The following PRR5L variants were observed in gnomAD, a reference collection of about 807,000 sequenced individuals.
The protein encoded by PRR5L is proline-rich protein 5-like.
A neutral mutation model predicts 36.4 loss-of-function variants in PRR5L; 21 were observed. The ratio of observed to expected loss-of-function variants is 0.58; its 90% CI spans 0.41 to 0.83. PRR5L has a LOEUF of 0.83. Among genes scored for constraint, PRR5L ranks in the 40% least tolerant of loss-of-function variants. The pLI, the probability that PRR5L is intolerant of heterozygous loss-of-function variation, is 0.00. For synonymous variants in PRR5L, 188 were observed against 197.0 expected (o/e 0.95, Z 0.38); for missense variants, 381 against 473.3 (o/e 0.80, Z 1.81).
intron 1 of PRR5L, among the ~76,000 whole-genome samples, chr11:36,362,507 G>A (rs1380232022): frequency 2.0e-5 from 3 of 151,972 alleles, no homozygotes; most frequent in Non-Finnish European, 4.4e-5. Context: ...TTTACCCCAG[G>A]AACAAATCTC....
At chr11:36,409,255 G>A (rs1435281050) in intron 3 of PRR5L, among the ~76,000 whole-genome samples, 1 of 152,156 alleles carries the variant, frequency 6.6e-6, no homozygotes, top group East Asian at 1.9e-4. Flanking sequence ...CTCCCTGGGA[G>A]GACTTTTTCT....
intron 1 of PRR5L, among the ~76,000 whole-genome samples, chr11:36,364,718 G>A (rs898638669): frequency 1.5e-4 from 23 of 152,178 alleles, no homozygotes; most frequent in African/African-American, 4.6e-4. Context: ...CCTCAAGCCA[G>A]CTCCTAGAGG....
chr11:36,451,426 C>A (rs951268203), intron 8 of PRR5L, 91 bp downstream of exon 8: 7 of 1,465,062 alleles, frequency 4.8e-6, no homozygotes, highest in East Asian at 2.3e-5. Context: ...AGCACTGATA[C>A]CAGCACTGTT....
chr11:36,368,580 AT>A (rs1307395291), intron 1 of PRR5L, among the ~76,000 whole-genome samples: 1 of 152,210 alleles, frequency 6.6e-6, no homozygotes, highest in East Asian at 1.9e-4. Context: ...CTAAGATATT[AT>A]TCACCTTATC....
intron 1 of PRR5L, among the ~76,000 whole-genome samples, chr11:36,349,153 C>T (rs1213996016): frequency 2.0e-5 from 3 of 151,618 alleles, no homozygotes; most frequent in African/African-American, 4.8e-5. Context: ...GGCATGGTGG[C>T]GGGCGCCTGT....
intron 1 of PRR5L, among the ~76,000 whole-genome samples, chr11:36,370,537 G>A (rs1857186623): frequency 6.6e-6 from 1 of 152,154 alleles, no homozygotes; most frequent in South Asian, 2.1e-4. Context: ...AGTATTTGTT[G>A]ACCAAATGAC....
intron 6 of PRR5L, among the ~76,000 whole-genome samples, chr11:36,439,873 A>AT (rs35289752): frequency 3.9e-4 from 59 of 151,880 alleles, no homozygotes; most frequent in Non-Finnish European, 6.6e-4. Context: ...ATGCACTGTT[A>AT]TTTTTTTTGG....
chr11:36,459,562 CTCT>C (rs1399802496), intron 8 of PRR5L, among the ~76,000 whole-genome samples: 1 of 152,186 alleles, frequency 6.6e-6, no homozygotes, highest in African/African-American at 2.4e-5. Context: ...CCAGCTTTGC[CTCT>C]TCTTTGCAAT....
chr11:36,338,737 G>GT (rs1387934658), intron 1 of PRR5L, among the ~76,000 whole-genome samples: 2 of 152,150 alleles, frequency 1.3e-5, no homozygotes, highest in Admixed American at 1.3e-4. Flanking sequence ...ATGAAATCTG[G>GT]TTTTTTTGAG....
intron 4 of PRR5L, among the ~76,000 whole-genome samples, chr11:36,430,328 C>T (rs372890404): frequency 1.1e-4 from 16 of 152,236 alleles, no homozygotes; most frequent in Admixed American, 5.9e-4. Flanking sequence ...GGGAGAATTG[C>T]GTGAACCTGG....
At chr11:36,297,453 G>T (rs1390118139) in intron 1 of PRR5L, 1 of 152,198 alleles carries the variant, frequency 6.6e-6, no homozygotes, top group African/African-American at 2.4e-5. Context: ...TCAATGAGTG[G>T]TATCTCTTTT....
intron 1 of PRR5L, among the ~76,000 whole-genome samples, chr11:36,337,195 C>T (rs1365361900): frequency 6.6e-6 from 1 of 152,030 alleles, no homozygotes; most frequent in Non-Finnish European, 1.5e-5. Flanking sequence ...AATTAATAAC[C>T]CCCAATGCAA....
intron 3 of PRR5L, among the ~76,000 whole-genome samples, chr11:36,406,654 CTT>C (rs1471818177): frequency 6.6e-6 from 1 of 152,160 alleles, no homozygotes; most frequent in African/African-American, 2.4e-5. Context: ...TTTGATTTTC[CTT>C]TTGGAAGACT....
intron 1 of PRR5L, among the ~76,000 whole-genome samples, chr11:36,375,058 A>C (rs1294085650): frequency 6.6e-6 from 1 of 152,072 alleles, no homozygotes; most frequent in African/African-American, 2.4e-5. Flanking sequence ...AACATGGTGA[A>C]ACCCTATCTC....
chr11:36,321,047 T>C (rs949335989), intron 1 of PRR5L: 7 of 152,242 alleles, frequency 4.6e-5, no homozygotes, highest in Admixed American at 4.6e-4. Flanking sequence ...TTTGATGTTG[T>C]TGTTTGCTTT....
At chr11:36,438,895 A>G (rs1057107892) in intron 6 of PRR5L, among the ~76,000 whole-genome samples, 2 of 152,192 alleles carry the variant, frequency 1.3e-5, no homozygotes, top group African/African-American at 4.8e-5. Flanking sequence ...AGATTGCACC[A>G]CTGCACTACA....
chr11:36,374,095 TTCCTTCCTTC>T (rs1394215457), intron 1 of PRR5L, among the ~76,000 whole-genome samples: 2,486 of 119,570 alleles, frequency 0.021, 90 homozygotes, highest in African/African-American at 0.079. Flanking sequence ...CCTTCCTTCC[TTCCTTCCTTC>T]CTCTCTCTCT....
intron 7 of PRR5L, among the ~76,000 whole-genome samples, chr11:36,449,586 G>C (rs1015248157): frequency 6.6e-6 from 1 of 152,218 alleles, no homozygotes; most frequent in African/African-American, 2.4e-5. Flanking sequence ...TGAGACCACC[G>C]GAATGGTGCA....
intron 3 of PRR5L, among the ~76,000 whole-genome samples, chr11:36,417,365 A>G (rs1302658502): frequency 6.6e-6 from 1 of 152,206 alleles, no homozygotes; most frequent in Non-Finnish European, 1.5e-5. Context: ...GCCTCCGTCC[A>G]CTTGGGGCTG....
Sources: allele counts gnomAD v4.1 joint callset (sites outside exome capture counted in the v4.1 genomes callset), GRCh38; gene constraint gnomAD v4.1.1; transcripts MANE v1.5; gene names NCBI Gene and HGNC (gene_info 2026-07-23, HGNC 2026-07-21).